Variants in PATJ observed in about 807,000 individuals in gnomAD.
PATJ encodes PATJ crumbs cell polarity complex component.
A neutral mutation model predicts 224.9 loss-of-function variants in PATJ; 190 were observed. That is an observed-to-expected ratio of 0.84 (90% confidence interval 0.75 to 0.95). The LOEUF (loss-of-function observed/expected upper bound fraction) is 0.95, where lower values mean the gene tolerates loss of function less well. PATJ is among the 40% of genes least tolerant of loss of function. The probability of loss-of-function intolerance (pLI) is 0.00; values close to 1 mark genes in which losing one functional copy is unlikely to be tolerated. For synonymous variants in PATJ, 769 were observed against 820.3 expected (o/e 0.94, Z 1.07); for missense variants, 2,121 against 2,270.3 (o/e 0.93, Z 1.34).
chr1:61,744,596 C>T (rs1308211191), intron 1 of PATJ, among the ~76,000 whole-genome samples: 1 of 152,152 alleles, frequency 6.6e-6, no homozygotes, highest in Non-Finnish European at 1.5e-5. Context: ...AGTCCAGATC[C>T]TATTAGGAGT....
At chr1:61,803,233 C>A (rs543310119) in intron 12 of PATJ, among the ~76,000 whole-genome samples, 1 of 152,158 alleles carries the variant, frequency 6.6e-6, no homozygotes, top group South Asian at 2.1e-4. Flanking sequence ...TGCTACATGA[C>A]CTTTTAAAAA....
intron 31 of PATJ, among the ~76,000 whole-genome samples, chr1:62,063,873 C>T (rs749435886): frequency 2.6e-5 from 4 of 152,144 alleles, no homozygotes; most frequent in Non-Finnish European, 4.4e-5. Flanking sequence ...ACTTCACTGA[C>T]GTCATTTATC....
rs542768154 is a variant in PATJ, at chr1:62,076,434, C to T, written c.4126-3016C>T. ...TCAGTTCTTATAATACAGTAACATACAACAGCAAATCCATTCTTTCTGATC... is the reference window on the plus strand; with the variant it reads ...TCAGTTCTTATAATACAGTAACATATAACAGCAAATCCATTCTTTCTGATC... On this transcript the variant is annotated intron_variant, in intron 31 of 43. Transcript: ENST00000642238. Among the ~76,000 whole-genome samples, 6 of 152,274 alleles carry T rather than the reference C, an allele frequency of 3.9e-5. No individual in the cohort carries two copies. In the South Asian group the frequency reaches 6.2e-4, roughly 16 times the overall value.
At chr1:62,089,092 A>G (rs1346839126) in intron 33 of PATJ, among the ~76,000 whole-genome samples, 1 of 152,122 alleles carries the variant, frequency 6.6e-6, no homozygotes, top group Non-Finnish European at 1.5e-5. Context: ...TGCTTTTTAT[A>G]TGGGAATAGA....
chr1:62,040,800 C>T (rs1403058360), intron 30 of PATJ, among the ~76,000 whole-genome samples: 2 of 143,310 alleles, frequency 1.4e-5, no homozygotes, highest in African/African-American at 5.0e-5. Flanking sequence ...TGACCTGATA[C>T]ATAGTTTTTA....
chr1:61,979,892 C>G (rs941430035), intron 27 of PATJ, among the ~76,000 whole-genome samples: 1 of 151,852 alleles, frequency 6.6e-6, no homozygotes, highest in African/African-American at 2.4e-5. Flanking sequence ...TCTCTGTGTC[C>G]CTGTGTCTTC....
In PATJ at chr1:62,033,633, C is replaced by T. The variant is rs150957770; in HGVS notation, c.3960-4344C>T. Among the ~76,000 whole-genome samples the T allele has an allele frequency of 2.7e-3, 406 of 152,212 alleles. 3 individuals carry two copies. Among genetic ancestry groups the T allele is most frequent in the African/African-American group, 7.1e-3 (296 of 41,532 alleles). The stretch of plus-strand genomic sequence containing the variant: ...CCTAGTGTAGACATTTTGGCCCATC[C>T]GAGGAATCACTGTGAGCTAGGTGGA... On this transcript the variant is annotated intron_variant, in intron 29 of 43. Transcript: ENST00000642238.
At chr1:61,941,053 T>C (rs541167249) in intron 27 of PATJ, among the ~76,000 whole-genome samples, 6 of 152,296 alleles carry the variant, frequency 3.9e-5, no homozygotes, top group East Asian at 3.9e-4. Context: ...ATAGAAGCAA[T>C]TGTATATAAT....
intron 29 of PATJ, among the ~76,000 whole-genome samples, chr1:62,027,223 T>C (rs1648142575): frequency 6.6e-6 from 1 of 152,246 alleles, no homozygotes; most frequent in Admixed American, 6.5e-5. Context: ...TCATGCAGTA[T>C]TTGTCCTTCT....
intron 41 of PATJ, among the ~76,000 whole-genome samples, chr1:62,131,602 C>T (rs539598644): frequency 1.3e-4 from 19 of 151,934 alleles, no homozygotes; most frequent in African/African-American, 4.3e-4. Context: ...GAGCCAAGAT[C>T]ACCCCATTGC....
intron 16 of PATJ, 87 bp downstream of exon 16, chr1:61,827,670 G>A (rs76656523): frequency 4.9e-5 from 63 of 1,273,408 alleles, no homozygotes; most frequent in Non-Finnish European, 6.3e-5. Context: ...GAAGGGAGGG[G>A]AAACCATTCC....
chr1:61,920,553 T>C (rs1674143436), intron 26 of PATJ, among the ~76,000 whole-genome samples: 1 of 152,166 alleles, frequency 6.6e-6, no homozygotes, highest in South Asian at 2.1e-4. Flanking sequence ...ATTAGCAGCA[T>C]GAAAACGGAC....
At chr1:62,128,977 A>G in intron 41 of PATJ, 32 bp downstream of exon 41, 1 of 1,411,866 alleles carries the variant, frequency 7.1e-7, no homozygotes, top group South Asian at 1.2e-5. Flanking sequence ...GCAGCTGTGC[A>G]AGGCAGATAA....
intron 20 of PATJ, among the ~76,000 whole-genome samples, chr1:61,869,163 G>C (rs1487470137): frequency 7.2e-6 from 1 of 138,510 alleles, no homozygotes; most frequent in African/African-American, 2.8e-5. Flanking sequence ...CTGGAGTGCA[G>C]TGGCGCCATC....
At chr1:61,776,957 C>A (rs960477673) in intron 7 of PATJ, among the ~76,000 whole-genome samples, 12 of 152,256 alleles carry the variant, frequency 7.9e-5, no homozygotes, top group African/African-American at 2.4e-4. Context: ...GATCTCCTGA[C>A]CTCGTGATCC....
intron 14 of PATJ, among the ~76,000 whole-genome samples, chr1:61,813,371 A>G (rs896480804): frequency 6.3e-4 from 28 of 44,470 alleles, no homozygotes; most frequent in Non-Finnish European, 1.1e-3. Flanking sequence ...ATATATATAT[A>G]TATATATACA....
intron 27 of PATJ, among the ~76,000 whole-genome samples, chr1:61,944,067 A>G (rs1227586379): frequency 1.3e-5 from 2 of 152,344 alleles, no homozygotes; most frequent in East Asian, 1.9e-4. Flanking sequence ...CCCCATTGGT[A>G]TGTCACCATC....
At chr1:62,110,476 C>G (rs1053683680) in intron 34 of PATJ, among the ~76,000 whole-genome samples, 1 of 152,210 alleles carries the variant, frequency 6.6e-6, no homozygotes, top group South Asian at 2.1e-4. Context: ...ATTGGCCTTT[C>G]ATGGTTTTAA....
chr1:61,763,572 GT>G (rs1328568987), intron 3 of PATJ, among the ~76,000 whole-genome samples: 2 of 151,884 alleles, frequency 1.3e-5, no homozygotes, highest in African/African-American at 2.4e-5. Context: ...TTAGAATATG[GT>G]TTTTGTACTT....
Sources: allele counts gnomAD v4.1 joint callset (sites outside exome capture counted in the v4.1 genomes callset), GRCh38; gene constraint gnomAD v4.1.1; transcripts MANE v1.5; gene names NCBI Gene and HGNC (gene_info 2026-07-23, HGNC 2026-07-21).